CNTN6: variants seen among roughly 807,000 people sequenced by gnomAD.
CNTN6 encodes the protein contactin 6.
CNTN6 carries 137 observed loss-of-function variants against 122.8 expected under a neutral mutation model. The observed-to-expected ratio is 1.12, with a 90% CI of 0.97 to 1.29. The LOEUF is 1.29. CNTN6 is among the 50% of genes most tolerant of loss of function. CNTN6 has a pLI of 0.00. For synonymous variants in CNTN6, 570 were observed against 426.0 expected (o/e 1.34, Z -4.16); for missense variants, 1,634 against 1,223.4 (o/e 1.34, Z -5.01).
intron 2 of CNTN6, among the ~76,000 whole-genome samples, chr3:1,184,114 G>C (rs756448026): frequency 6.6e-6 from 1 of 152,110 alleles, no homozygotes; most frequent in Non-Finnish European, 1.5e-5. Flanking sequence ...TTATGTACCT[G>C]GTCATGGAAG....
chr3:1,131,109 G>T (rs1329946133), intron 1 of CNTN6, among the ~76,000 whole-genome samples: 6 of 152,098 alleles, frequency 3.9e-5, no homozygotes, highest in African/African-American at 1.2e-4. Flanking sequence ...TCTGATACCT[G>T]CTATGTGATA....
At chr3:1,390,776 A>G (rs903846862) in intron 20 of CNTN6, among the ~76,000 whole-genome samples, 1 of 151,536 alleles carries the variant, frequency 6.6e-6, no homozygotes, top group Non-Finnish European at 1.5e-5. Flanking sequence ...TACTACAAAC[A>G]CCTCTATGCA....
intron 10 of CNTN6, among the ~76,000 whole-genome samples, chr3:1,328,577 A>G (rs1238454605): frequency 6.6e-6 from 1 of 151,840 alleles, no homozygotes; most frequent in African/African-American, 2.4e-5. Context: ...AAAGTGTCAG[A>G]TTTAAAATAT....
Position 1,352,450 on chromosome 3 carries a change from A to C in CNTN6, c.1491A>C (p.Lys497Asn). 6.2e-7 allele frequency: 1 copy of C among 1,609,788 alleles called. No homozygotes were observed. The highest frequency in any genetic ancestry group is 8.5e-7 in the Non-Finnish European group (1 of 1,177,206). ...AGAACACTGGCAGCCTCATTGTAAA[A>C]GGTATCATATTATCTTCATTTGTGC... is the stretch of plus-strand genomic sequence containing the variant. ...TAKNTGSLIV[K>N]ERTVITVPPS... is the part of the protein sequence containing the mutation. Residue 497 changes from lysine (K) to asparagine (N), a missense_variant and splice_region_variant, in exon 12 of 23, where the codon AAA becomes AAC. Physicochemically the swap from Lys to Asn is moderately conservative, Grantham distance 94. Transcript: ENST00000446702.
At chr3:1,151,324 A>T (rs565754495) in intron 2 of CNTN6, among the ~76,000 whole-genome samples, 4 of 152,196 alleles carry the variant, frequency 2.6e-5, no homozygotes, top group Non-Finnish European at 5.9e-5. Context: ...ATGTTATCAC[A>T]GTAGAATAAA....
chr3:1,159,683 C>T (rs1047007627), intron 2 of CNTN6, among the ~76,000 whole-genome samples: 2 of 151,528 alleles, frequency 1.3e-5, no homozygotes, highest in Non-Finnish European at 2.9e-5. Context: ...AACAATTAAT[C>T]TATATAAAAA....
At chr3:1,385,516 A>G (rs1407007043) in intron 19 of CNTN6, 95 bp from the exon 20 acceptor site, 11 of 957,086 alleles carry the variant, frequency 1.1e-5, no homozygotes, top group African/African-American at 3.4e-5. Flanking sequence ...TCTTCTTCCC[A>G]TATTCCTTGT....
chr3:1,230,268 T>C (rs1172405082), intron 4 of CNTN6, among the ~76,000 whole-genome samples: 1 of 152,132 alleles, frequency 6.6e-6, no homozygotes, highest in Non-Finnish European at 1.5e-5. Flanking sequence ...GGTATGAAAT[T>C]AGGTCTTTTC....
At chr3:1,318,796 A>G (rs1484807236) in intron 7 of CNTN6, among the ~76,000 whole-genome samples, 2 of 151,696 alleles carry the variant, frequency 1.3e-5, no homozygotes, top group East Asian at 3.9e-4. Context: ...ATTCCTAGGT[A>G]CTTTCAGTTC....
intron 17 of CNTN6, among the ~76,000 whole-genome samples, chr3:1,377,588 C>G (rs78682725): frequency 1.0e-3 from 159 of 152,262 alleles, no homozygotes; most frequent in African/African-American, 3.7e-3. Context: ...AAATTTCAGT[C>G]TGGTGTGTAC....
chr3:1,216,682 C>G (rs1559531389), intron 2 of CNTN6, among the ~76,000 whole-genome samples: 1 of 152,028 alleles, frequency 6.6e-6, no homozygotes, highest in Non-Finnish European at 1.5e-5. Flanking sequence ...AGTAATTGAC[C>G]AGGCTAGAAT....
At chr3:1,216,953 C>T (rs1320537784) in intron 2 of CNTN6, among the ~76,000 whole-genome samples, 1 of 152,064 alleles carries the variant, frequency 6.6e-6, no homozygotes, top group Non-Finnish European at 1.5e-5. Flanking sequence ...ATTTCCTTCT[C>T]TTTAATAATA....
At chr3:1,120,044 A>G (rs922049256) in intron 1 of CNTN6, among the ~76,000 whole-genome samples, 2 of 152,038 alleles carry the variant, frequency 1.3e-5, no homozygotes, top group Non-Finnish European at 2.9e-5. Context: ...CCATGTATTT[A>G]CACAAATCAC....
At chr3:1,161,274 T>C (rs2093127087) in intron 2 of CNTN6, among the ~76,000 whole-genome samples, 1 of 102,482 alleles carries the variant, frequency 9.8e-6, no homozygotes, top group South Asian at 2.9e-4. Context: ...TATATATATA[T>C]ATAATGATAG....
At position 1,216,564 on chromosome 3, in the gene CNTN6, G is replaced by A. The variant is rs150192447; in HGVS notation, c.56-4123G>A. On this transcript the variant is annotated intron_variant, in intron 2 of 22. Coordinates refer to ENST00000446702, the MANE Select transcript of CNTN6 (RefSeq NM_001289080.2). ...TCAAACATCTTCAATCCACTTGCTCGATCATCATTTACAGGAACACTAAAA... is the reference window on the plus strand; with the variant it reads ...TCAAACATCTTCAATCCACTTGCTCAATCATCATTTACAGGAACACTAAAA... 2.5e-4 allele frequency among the ~76,000 whole-genome samples: 38 copies of A among 152,252 alleles called. No individual in the cohort carries two copies. The East Asian group carries it at 3.5e-3, about 14-fold the overall frequency.
At chr3:1,373,507 A>T in intron 14 of CNTN6, 97 bp from the exon 15 acceptor site, 1 of 1,130,874 alleles carries the variant, frequency 8.8e-7, no homozygotes, top group Non-Finnish European at 1.3e-6. Context: ...TCAATATTTT[A>T]CTTCCTAAGC....
At chr3:1,369,363 C>G (rs1168886522) in intron 12 of CNTN6, among the ~76,000 whole-genome samples, 1 of 143,310 alleles carries the variant, frequency 7.0e-6, no homozygotes, top group African/African-American at 2.6e-5. Flanking sequence ...CACTCCTTAT[C>G]TTTTTGACTT....
chr3:1,099,363 A>G (rs1486416933), intron 1 of CNTN6, among the ~76,000 whole-genome samples: 1 of 152,016 alleles, frequency 6.6e-6, no homozygotes, highest in African/African-American at 2.4e-5. Flanking sequence ...AGGCGGGAGA[A>G]TGGCGGGAAC....
Position 1,208,047 on chromosome 3 carries a change from C to T in CNTN6, c.56-12640C>T, listed in dbSNP as rs574489932. ...AAAAAGCTCTCACATCATTCTTGTC[C>T]TCTTTATTCCTACTGACAATGCCCA... is the stretch of plus-strand genomic sequence containing the variant. On this transcript the variant is annotated intron_variant, in intron 2 of 22. Coordinates refer to ENST00000446702, the MANE Select transcript of CNTN6 (RefSeq NM_001289080.2). Among the ~76,000 whole-genome samples, 29 of 152,116 alleles carry T rather than the reference C, an allele frequency of 1.9e-4. 1 individual carries two copies. The highest frequency in any genetic ancestry group is 2.1e-4 in the South Asian group (1 of 4,814).
Sources: allele counts gnomAD v4.1 joint callset (sites outside exome capture counted in the v4.1 genomes callset), GRCh38; gene constraint gnomAD v4.1.1; transcripts MANE v1.5; gene names NCBI Gene and HGNC (gene_info 2026-07-23, HGNC 2026-07-21).